TSNAX: variants seen among roughly 807,000 people sequenced by gnomAD.
The protein encoded by TSNAX is translin-associated protein X.
A neutral mutation model predicts 33.0 loss-of-function variants in TSNAX; 12 were observed. The observed-to-expected ratio is 0.36, with a 90% CI of 0.23 to 0.59. The LOEUF (loss-of-function observed/expected upper bound fraction) is 0.59, where lower values mean the gene tolerates loss of function less well. Among genes scored for constraint, TSNAX ranks in the 20% least tolerant of loss-of-function variants. TSNAX has a pLI of 0.74. For missense variants in TSNAX, 267 were observed against 341.3 expected, an observed-to-expected ratio of 0.78 and a Z score of 1.72; for synonymous variants, 110 against 117.2, an observed-to-expected ratio of 0.94 and a Z score of 0.40.
chr1:231,542,045 A>G (rs1293251770), intron 3 of TSNAX, among the ~76,000 whole-genome samples: 8 of 152,172 alleles, frequency 5.3e-5, no homozygotes. Context: ...TTTCCAGGCA[A>G]TAAGATGGGG....
chr1:231,563,410 T>C (rs935117695), intron 5 of TSNAX: 1 of 153,766 alleles, frequency 6.5e-6, no homozygotes, highest in Non-Finnish European at 1.5e-5. Context: ...GTAAATGTTC[T>C]CATTTAACCC....
intron 4 of TSNAX, 114 bp from the exon 5 acceptor site, chr1:231,561,014 G>A (rs1572150115): frequency 2.0e-6 from 2 of 988,088 alleles, no homozygotes; most frequent in East Asian, 2.7e-5. Context: ...ATTGTAGTAG[G>A]CATCCATTAA....
intron 4 of TSNAX, among the ~76,000 whole-genome samples, chr1:231,558,621 A>G (rs377090719): frequency 3.2e-4 from 48 of 151,410 alleles, no homozygotes; most frequent in African/African-American, 1.1e-3. Flanking sequence ...GAGCATGGAG[A>G]TGTGATTATG....
At chr1:231,559,436 C>T (rs1309676245) in intron 4 of TSNAX, among the ~76,000 whole-genome samples, 1 of 152,128 alleles carries the variant, frequency 6.6e-6, no homozygotes, top group African/African-American at 2.4e-5. Context: ...TCACGCCATT[C>T]TCCTGCCTCA....
At chr1:231,559,531 T>C (rs1412211632) in intron 4 of TSNAX, among the ~76,000 whole-genome samples, 2 of 152,180 alleles carry the variant, frequency 1.3e-5, no homozygotes, top group African/African-American at 2.4e-5. Flanking sequence ...GGTTTCACCA[T>C]GTTAGCCAGG....
At chr1:231,545,165 G>A (rs1659821904) in intron 4 of TSNAX, among the ~76,000 whole-genome samples, 2 of 152,166 alleles carry the variant, frequency 1.3e-5, no homozygotes, top group South Asian at 4.1e-4. Context: ...ATAAAATAAG[G>A]TTATTTATAA....
intron 4 of TSNAX, among the ~76,000 whole-genome samples, chr1:231,557,581 C>T (rs900726451): frequency 2.0e-5 from 3 of 152,072 alleles, no homozygotes; most frequent in Non-Finnish European, 2.9e-5. Context: ...GAGGAGGAGA[C>T]AGATGGAGCA....
chr1:231,528,771 T>G lies in TSNAX; in HGVS notation c.-40T>G, dbSNP rs1240924141. ...CCTCGCGCACTCCTCTTGCTCCAGGTCCTTCAGTCTCCGCTCGTCTCACCG... is the reference window on the plus strand; with the variant it reads ...CCTCGCGCACTCCTCTTGCTCCAGGGCCTTCAGTCTCCGCTCGTCTCACCG... On this transcript the variant is annotated 5_prime_UTR_variant, in exon 1 of 6. Transcript: ENST00000366639. 1 of 1,613,994 alleles carries G rather than the reference T, an allele frequency of 6.2e-7. No individual in the cohort carries two copies. Among genetic ancestry groups the G allele is most frequent in the Non-Finnish European group, 8.5e-7 (1 of 1,179,988 alleles).
chr1:231,529,117 G>A, intron 1 of TSNAX, 138 bp from the exon 2 acceptor site: 3 of 853,866 alleles, frequency 3.5e-6, no homozygotes, highest in Non-Finnish European at 5.4e-6. Context: ...CAGCGTCTCT[G>A]TCAGTCTGCG....
rs1417321710 is a variant in TSNAX, at chr1:231,528,749, C to T, written c.-62C>T. ...TCCCAGGTTCCCTCGGCCTGTACCT[C>T]GCGCACTCCTCTTGCTCCAGGTCCT... On this transcript the variant is annotated 5_prime_UTR_variant, in exon 1 of 6. Coordinates refer to ENST00000366639, the MANE Select transcript of TSNAX (RefSeq NM_005999.3). 7.5e-6 allele frequency: 12 copies of T among 1,607,496 alleles called. No individual in the cohort carries two copies. The highest frequency in any genetic ancestry group is 1.8e-4 in the Middle Eastern group (1 of 5,682).
intron 4 of TSNAX, among the ~76,000 whole-genome samples, chr1:231,546,030 C>T (rs1278487007): frequency 6.6e-6 from 1 of 152,144 alleles, no homozygotes; most frequent in Non-Finnish European, 1.5e-5. Context: ...AGGTTTTCCT[C>T]ATAAACCCAG....
chr1:231,542,358 A>G lies in TSNAX; in HGVS notation c.237-123A>G. The G allele has an allele frequency of 4.5e-6, 4 of 892,708 alleles. No individual in the cohort carries two copies. In the South Asian group the frequency reaches 8.2e-5, roughly 18 times the overall value. The allele number at this position is 892,708 out of a possible 1,614,324, so 55.3% of individuals were successfully genotyped here. On this transcript the variant is annotated intron_variant, in intron 3 of 5. Coordinates refer to ENST00000366639, the MANE Select transcript of TSNAX (RefSeq NM_005999.3). ...CTCCATACTATGAATAGTTTTGAGT[A>G]GTTTTGAGTTAGAAGTATATGAATG...
At chr1:231,542,754 A>T (rs866362591) in intron 4 of TSNAX, 143 bp downstream of exon 4, 21 of 948,372 alleles carry the variant, frequency 2.2e-5, no homozygotes, top group Middle Eastern at 2.3e-4. Context: ...AGTAATATAG[A>T]AGTAATCCAA....
chr1:231,547,557 A>G (rs1242873649), intron 4 of TSNAX, among the ~76,000 whole-genome samples: 1 of 150,808 alleles, frequency 6.6e-6, no homozygotes, highest in African/African-American at 2.4e-5. Context: ...TGCCCAGCTA[A>G]TTTTTGTATT....
At chr1:231,538,076 T>G (rs1255092285) in intron 3 of TSNAX, among the ~76,000 whole-genome samples, 1 of 152,218 alleles carries the variant, frequency 6.6e-6, no homozygotes, top group Non-Finnish European at 1.5e-5. Context: ...TATTTTACAT[T>G]TTTGTAGCAT....
chr1:231,529,245 T>C lies in TSNAX; in HGVS notation c.17-10T>C, dbSNP rs1468769297. 8.7e-6 allele frequency: 14 copies of C among 1,609,450 alleles called. No homozygotes were observed. In the East Asian group the frequency reaches 2.9e-4, roughly 33 times the overall value. On this transcript the variant is annotated splice_polypyrimidine_tract_variant and intron_variant, in intron 1 of 5. Coordinates refer to ENST00000366639, the MANE Select transcript of TSNAX (RefSeq NM_005999.3). ...GGAAGATCCCTCTCTTTTTTTCTTC[T>C]CTATATAAGGATCAGGAGGGTTCAG...
At chr1:231,560,551 A>G (rs1278643544) in intron 4 of TSNAX, among the ~76,000 whole-genome samples, 2 of 150,556 alleles carry the variant, frequency 1.3e-5, no homozygotes, top group Non-Finnish European at 3.0e-5. Context: ...AGTAGCTGGG[A>G]TTACGGGCTC....
rs931796722 is a variant in TSNAX, at chr1:231,528,743, G to C, written c.-68G>C. On this transcript the variant is annotated 5_prime_UTR_variant, in exon 1 of 6. Transcript: ENST00000366639. Reference sequence around the variant, plus strand: ...CTGTTTTCCCAGGTTCCCTCGGCCTGTACCTCGCGCACTCCTCTTGCTCCA... The same window carrying C: ...CTGTTTTCCCAGGTTCCCTCGGCCTCTACCTCGCGCACTCCTCTTGCTCCA... 1.3e-5 allele frequency: 21 copies of C among 1,602,826 alleles called. No individual in the cohort carries two copies. The highest frequency in any genetic ancestry group is 1.6e-5 in the Non-Finnish European group (19 of 1,170,754).
chr1:231,553,277 C>A (rs1419400920), intron 4 of TSNAX, among the ~76,000 whole-genome samples: 2 of 152,214 alleles, frequency 1.3e-5, no homozygotes, highest in East Asian at 3.9e-4. Context: ...ATGTATATTG[C>A]TTAAATATTA....
Sources: gnomAD v4.1 joint callset for allele counts (sites outside exome capture counted in the v4.1 genomes callset) on GRCh38, gnomAD v4.1.1 for gene constraint, MANE v1.5 for transcripts, NCBI Gene and HGNC (gene_info 2026-07-23, HGNC 2026-07-21) for gene names.